The following CAPN1 variants were observed in gnomAD, a reference collection of about 807,000 sequenced individuals.
The protein encoded by CAPN1 is calpain 1, also known as calpain-1 catalytic subunit.
A neutral mutation model predicts 105.2 loss-of-function variants in CAPN1; 77 were observed. The observed-to-expected ratio is 0.73, with a 90% CI of 0.61 to 0.88. The LOEUF (loss-of-function observed/expected upper bound fraction) is 0.88. CAPN1 is among the 40% of genes least tolerant of loss of function. CAPN1 has a pLI of 0.00. For missense variants in CAPN1, 833 were observed against 976.6 expected, an observed-to-expected ratio of 0.85 and a Z score of 1.96; for synonymous variants, 355 against 388.8, an observed-to-expected ratio of 0.91 and a Z score of 1.02.
rs1018817327 is a variant in CAPN1 at position 65,209,492 on chromosome 11, G to T, written c.1794+105G>T. 4.1e-6 allele frequency: 4 copies of T among 985,556 alleles called. No individual in the cohort carries two copies. Among genetic ancestry groups the T allele is most frequent in the African/African-American group, 1.6e-5 (1 of 62,458 alleles). 61.1% of individuals were successfully genotyped at this position (985,556 alleles called of 1,614,324 possible). On this transcript the variant is annotated intron_variant, in intron 17 of 21. Transcript: ENST00000279247. The surrounding 1 kb of genome is among the most constrained non-coding windows in gnomAD (Gnocchi z 4.1). ...CACAGAGAACAGGACAGAGCCATGC[G>T]GAGTGTGGACACACAGTGCCCCATG...
chr11:65,184,536 G>A (rs1315757007), intron 4 of CAPN1, among the ~76,000 whole-genome samples: 1 of 148,854 alleles, frequency 6.7e-6, no homozygotes, highest in African/African-American at 2.5e-5. Context: ...GTCCTTGGTC[G>A]CTTCTGACCC....
intron 14 of CAPN1, among the ~76,000 whole-genome samples, chr11:65,207,687 C>T (rs1037574387): frequency 3.3e-5 from 5 of 151,228 alleles, no homozygotes; most frequent in Admixed American, 1.3e-4. Flanking sequence ...TTGAGGCGGG[C>T]GGATAACCTG....
At chr11:65,191,863 C>T (rs1948723272) in intron 10 of CAPN1, among the ~76,000 whole-genome samples, 1 of 152,144 alleles carries the variant, frequency 6.6e-6, no homozygotes, top group African/African-American at 2.4e-5. Context: ...AACTAAGCCT[C>T]ACTCTTAAAG....
chr11:65,188,460 C>T lies in CAPN1; in HGVS notation c.976C>T (p.Arg326Trp), dbSNP rs1398824643. The change falls in exon 9 of 22, where the codon CGG becomes TGG. Residue 326 changes from arginine (R) to tryptophan (W), a missense_variant. Coordinates refer to ENST00000279247, the MANE Select transcript of CAPN1 (RefSeq NM_005186.4). This position sits in a 1 kb window ranked among gnomAD's most constrained non-coding sequence, Gnocchi z 5.5. ...GGACCCATATGAACGGGACCAGCTCCGGGTCAAGATGGAGGACGGGGAGTT... is the reference window on the plus strand; with the variant it reads ...GGACCCATATGAACGGGACCAGCTCTGGGTCAAGATGGAGGACGGGGAGTT... ...NVDPYERDQLRVKMEDGEFWM... is the reference protein window; with the variant it reads ...NVDPYERDQLWVKMEDGEFWM... 1.2e-5 allele frequency: 20 copies of T among 1,613,016 alleles called. No individual in the cohort carries two copies. The highest frequency in any genetic ancestry group is 4.4e-5 in the South Asian group (4 of 90,892).
chr11:65,206,185 C>G (rs1464855523), intron 12 of CAPN1: 9 of 564,992 alleles, frequency 1.6e-5, no homozygotes, highest in Non-Finnish European at 2.5e-5. Flanking sequence ...GGGAAAGCTC[C>G]CAGTGATAAT....
intron 10 of CAPN1, among the ~76,000 whole-genome samples, chr11:65,202,084 C>T (rs1948880491): frequency 6.6e-6 from 1 of 152,152 alleles, no homozygotes; most frequent in Non-Finnish European, 1.5e-5. Context: ...CTCGGCCTCC[C>T]ACAGTGCTGG....
intron 10 of CAPN1, among the ~76,000 whole-genome samples, chr11:65,202,760 T>A (rs1398728445): frequency 6.6e-6 from 1 of 152,108 alleles, no homozygotes; most frequent in African/African-American, 2.4e-5. Context: ...ACGATTTAAA[T>A]ATACTATTAA....
upstream of CAPN1, chr11:65,181,555 G>A (rs1287606067): frequency 2.0e-5 from 8 of 400,192 alleles, no homozygotes; most frequent in East Asian, 2.6e-4. This position sits in a 1 kb window ranked among gnomAD's most constrained non-coding sequence, Gnocchi z 4.6. Context: ...CCGCCAGGGC[G>A]CGCGTGGGGT....
At chr11:65,205,163 T>TGG (rs1333314905) in intron 11 of CAPN1, among the ~76,000 whole-genome samples, 1 of 152,200 alleles carries the variant, frequency 6.6e-6, no homozygotes, top group Non-Finnish European at 1.5e-5. Flanking sequence ...AGCTGATGCC[T>TGG]GGGAGTACTG....
intron 4 of CAPN1, 170 bp downstream of exon 4, chr11:65,183,762 G>C (rs1292028511): frequency 1.7e-6 from 1 of 587,326 alleles, no homozygotes; most frequent in Non-Finnish European, 3.0e-6. Flanking sequence ...GACTGGGCTG[G>C]GCAGGTATTT....
chr11:65,209,230 T>C lies in CAPN1; in HGVS notation c.1730-93T>C, dbSNP rs1454388946. 1 of 929,926 alleles carries C rather than the reference T, an allele frequency of 1.1e-6. No homozygotes were observed. Among genetic ancestry groups the C allele is most frequent in the African/African-American group, 1.6e-5 (1 of 61,582 alleles). The allele number at this position is 929,926 out of a possible 1,614,324, so 57.6% of individuals were successfully genotyped here. A position where few individuals can be genotyped will look rare whatever the true frequency, so the allele number is the denominator to read the frequency against. ...TATTGCACCCACTCGTCAGGATTTG[T>C]GCGTCCTTGACTCTGCCCCACCCAG... On this transcript the variant is annotated intron_variant, in intron 16 of 21. Transcript: ENST00000279247. The surrounding 1 kb of genome is among the most constrained non-coding windows in gnomAD (Gnocchi z 4.1).
intron 10 of CAPN1, among the ~76,000 whole-genome samples, chr11:65,201,029 CCTT>C (rs1287079332): frequency 6.9e-6 from 1 of 144,468 alleles, no homozygotes; most frequent in Non-Finnish European, 1.5e-5. Flanking sequence ...ACTGCAAGCT[CCTT>C]CTCCCGGGTT....
At chr11:65,183,093 G>A in intron 2 of CAPN1, 35 bp from the exon 3 acceptor site, 2 of 1,612,660 alleles carry the variant, frequency 1.2e-6, no homozygotes, top group African/African-American at 1.3e-5. Context: ...TCTGGGAGGG[G>A]CTGGCCGAGG....
chr11:65,206,911 C>T (rs1948969794), intron 14 of CAPN1, 92 bp downstream of exon 14: 1 of 1,222,718 alleles, frequency 8.2e-7, no homozygotes, highest in Non-Finnish European at 1.2e-6. Context: ...CCCTGAGTTC[C>T]TGCTAACAGG....
At chr11:65,197,478 TG>T (rs944702779) in intron 10 of CAPN1, among the ~76,000 whole-genome samples, 11 of 152,204 alleles carry the variant, frequency 7.2e-5, no homozygotes, top group African/African-American at 2.7e-4. Context: ...GGTTTTTTTT[TG>T]TTGAATTTTT....
chr11:65,182,129 G>C (rs1389543572), intron 1 of CAPN1, 116 bp downstream of exon 1: 1 of 84,996 alleles, frequency 1.2e-5, no homozygotes, highest in Non-Finnish European at 2.6e-5. Context: ...GAGCAGGGGT[G>C]GGGGCTGGCG....
intron 10 of CAPN1, chr11:65,203,516 T>A (rs1322872221): frequency 6.6e-6 from 1 of 152,290 alleles, no homozygotes; most frequent in Admixed American, 6.5e-5. Flanking sequence ...TGGGCCACCA[T>A]GCCCAGCTAA....
At chr11:65,189,700 C>T (rs990566537) in intron 10 of CAPN1, among the ~76,000 whole-genome samples, 7 of 152,208 alleles carry the variant, frequency 4.6e-5, no homozygotes, top group African/African-American at 1.7e-4. Flanking sequence ...TGGCACAAAA[C>T]CCATCTCCAC....
Position 65,210,502 on chromosome 11 carries a change from C to A in CAPN1, c.2059+50C>A. 1 of 1,107,496 alleles carries A rather than the reference C, an allele frequency of 9.0e-7. No homozygotes were observed. The highest frequency in any genetic ancestry group is 1.4e-6 in the Non-Finnish European group (1 of 733,528). 68.6% of individuals were successfully genotyped at this position (1,107,496 alleles called of 1,614,324 possible). On this transcript the variant is annotated intron_variant, in intron 20 of 21. Coordinates refer to ENST00000279247, the MANE Select transcript of CAPN1 (RefSeq NM_005186.4). This position sits in a 1 kb window ranked among gnomAD's most constrained non-coding sequence, Gnocchi z 4.3. ...CCCTCCAGCTCCGTCCCAAACGCGTCCCCCAGGAGCTGGGGGGAATGACAG... is the reference window on the plus strand; with the variant it reads ...CCCTCCAGCTCCGTCCCAAACGCGTACCCCAGGAGCTGGGGGGAATGACAG...
Sources: allele counts gnomAD v4.1 joint callset (sites outside exome capture counted in the v4.1 genomes callset), GRCh38; gene constraint gnomAD v4.1.1; non-coding constraint Gnocchi (gnomAD v3.1); transcripts MANE v1.5; gene names NCBI Gene and HGNC (gene_info 2026-07-23, HGNC 2026-07-21).